Variants in MYO3B observed in about 807,000 individuals in gnomAD.
The protein encoded by MYO3B is myosin-IIIb.
MYO3B carries 156 observed loss-of-function variants against 174.6 expected under a neutral mutation model. The ratio of observed to expected loss-of-function variants is 0.89; its 90% CI spans 0.78 to 1.02. MYO3B has a LOEUF of 1.02. Ranked by LOEUF, MYO3B falls within the 50% of genes least tolerant of loss-of-function variation. The pLI is 0.00. For missense variants in MYO3B, 1,632 were observed against 1,639.4 expected (o/e 1.00, Z 0.08); for synonymous variants, 563 against 569.1 (o/e 0.99, Z 0.15).
chr2:170,608,768 T>G (rs949195882), intron 32 of MYO3B, among the ~76,000 whole-genome samples: 2 of 152,052 alleles, frequency 1.3e-5, no homozygotes, highest in South Asian at 4.1e-4. Flanking sequence ...GATCTAAAAC[T>G]GAGAGATGCA....
intron 32 of MYO3B, among the ~76,000 whole-genome samples, chr2:170,645,245 T>C (rs1575330808): frequency 6.6e-6 from 1 of 151,866 alleles, no homozygotes; most frequent in Non-Finnish European, 1.5e-5. Flanking sequence ...CCAAGGCAGG[T>C]GGATTGCTTG....
chr2:170,539,326 G>A (rs893817856), intron 30 of MYO3B, among the ~76,000 whole-genome samples: 6 of 152,116 alleles, frequency 3.9e-5, no homozygotes, highest in Non-Finnish European at 7.4e-5. Context: ...GACTTAATCC[G>A]ATTTAAGTTA....
At chr2:170,508,124 G>C (rs6748344) in intron 28 of MYO3B, among the ~76,000 whole-genome samples, 81,161 of 151,906 alleles carry the variant, frequency 0.53, 22,407 homozygotes, top group East Asian at 0.7. Context: ...TGCAACAGTA[G>C]GTACCCCTAG....
intron 7 of MYO3B, among the ~76,000 whole-genome samples, chr2:170,299,287 C>T (rs1171569214): frequency 6.6e-6 from 1 of 152,114 alleles, no homozygotes; most frequent in Non-Finnish European, 1.5e-5. Flanking sequence ...AAATAAATGC[C>T]TGATTGATTG....
chr2:170,221,954 AG>A (rs1214289272), intron 6 of MYO3B, among the ~76,000 whole-genome samples: 1 of 152,244 alleles, frequency 6.6e-6, no homozygotes, highest in African/African-American at 2.4e-5. Flanking sequence ...TAAGAGAGAA[AG>A]AAAAATTTCA....
At chr2:170,338,926 G>A (rs1224396138) in intron 8 of MYO3B, among the ~76,000 whole-genome samples, 5 of 152,260 alleles carry the variant, frequency 3.3e-5, no homozygotes, top group African/African-American at 1.2e-4. Flanking sequence ...CTTTCATTCT[G>A]TAGAGGAGAC....
chr2:170,352,258 A>G (rs1393255969), intron 8 of MYO3B, among the ~76,000 whole-genome samples: 1 of 152,176 alleles, frequency 6.6e-6, no homozygotes, highest in Non-Finnish European at 1.5e-5. Context: ...CGGCCTAGGC[A>G]CGCATAGGTT....
intron 7 of MYO3B, among the ~76,000 whole-genome samples, chr2:170,321,933 G>A (rs932797296): frequency 1.3e-5 from 2 of 152,096 alleles, no homozygotes; most frequent in African/African-American, 2.4e-5. Flanking sequence ...GGCCAACACG[G>A]TGAAACCCCG....
intron 21 of MYO3B, among the ~76,000 whole-genome samples, chr2:170,407,033 A>G (rs116279593): frequency 0.014 from 2,067 of 152,254 alleles, 37 homozygotes; most frequent in African/African-American, 0.045. Context: ...GCCTCTTCCT[A>G]AGTCTCTGCC....
chr2:170,612,882 G>T (rs558212941), intron 32 of MYO3B, among the ~76,000 whole-genome samples: 1 of 152,264 alleles, frequency 6.6e-6, no homozygotes, highest in East Asian at 1.9e-4. Flanking sequence ...TTTCACTTTA[G>T]AAAGACTCAA....
At chr2:170,545,052 T>C (rs1383425899) in intron 32 of MYO3B, among the ~76,000 whole-genome samples, 1 of 152,212 alleles carries the variant, frequency 6.6e-6, no homozygotes, top group Non-Finnish European at 1.5e-5. Context: ...ATCATTTATA[T>C]TTAATGTGAT....
intron 3 of MYO3B, among the ~76,000 whole-genome samples, chr2:170,200,827 G>T (rs1160117558): frequency 6.6e-6 from 1 of 152,184 alleles, no homozygotes; most frequent in African/African-American, 2.4e-5. Flanking sequence ...TCATAACAGA[G>T]ACCTAAGCTG....
intron 32 of MYO3B, among the ~76,000 whole-genome samples, chr2:170,620,797 C>T (rs945531925): frequency 1.3e-5 from 2 of 149,128 alleles, no homozygotes; most frequent in Non-Finnish European, 3.0e-5. Flanking sequence ...TAGAGGGAGA[C>T]ATTTTCTTTA....
Position 170,647,050 on chromosome 2 carries a change from G to C in MYO3B, c.3734-4578G>C, listed in dbSNP as rs1315121397. On this transcript the variant is annotated intron_variant, in intron 32 of 34. Coordinates refer to ENST00000408978, the MANE Select transcript of MYO3B (RefSeq NM_138995.5). ...CTTTAATATAATTAAACGCATGCAT[G>C]TCACTAACGTCTTCTTATACAGCTG... 1.2e-5 allele frequency: 6 copies of C among 492,380 alleles called. No homozygotes were observed. In the Admixed American group the frequency reaches 1.6e-4, roughly 13 times the overall value. 30.5% of individuals were successfully genotyped at this position (492,380 alleles called of 1,614,324 possible). A position where few individuals can be genotyped will look rare whatever the true frequency, so the allele number is the denominator to read the frequency against.
At chr2:170,434,301 A>G (rs2094734510) in intron 22 of MYO3B, among the ~76,000 whole-genome samples, 1 of 152,150 alleles carries the variant, frequency 6.6e-6, no homozygotes, top group Non-Finnish European at 1.5e-5. Flanking sequence ...CTTGTTATAT[A>G]TAAAGTTTTG....
At chr2:170,253,138 G>A (rs1367160135) in intron 7 of MYO3B, among the ~76,000 whole-genome samples, 1 of 152,218 alleles carries the variant, frequency 6.6e-6, no homozygotes, top group Non-Finnish European at 1.5e-5. Context: ...GAGGTGGTAA[G>A]AGTAGAAGCA....
chr2:170,356,771 A>ATTTTTTTTTTTTTTTTTTTT (rs1379010220), intron 8 of MYO3B, among the ~76,000 whole-genome samples: 1 of 151,834 alleles, frequency 6.6e-6, no homozygotes, highest in South Asian at 2.1e-4. Context: ...ATTTATTTTT[A>ATTTTTTTTTTTTTTTTTTTT]TTTTTATCTT....
intron 32 of MYO3B, among the ~76,000 whole-genome samples, chr2:170,592,907 GAGAT>G (rs750744880): frequency 9.9e-5 from 15 of 151,786 alleles, no homozygotes; most frequent in African/African-American, 2.4e-4. Flanking sequence ...TCTGTTTTAT[GAGAT>G]AGATATATAT....
intron 7 of MYO3B, among the ~76,000 whole-genome samples, chr2:170,312,383 G>C (rs1249102873): frequency 1.3e-5 from 2 of 152,242 alleles, no homozygotes; most frequent in African/African-American, 4.8e-5. Flanking sequence ...TGTGAGAATG[G>C]CTCCCCTAAT....
Sources: allele counts gnomAD v4.1 joint callset (sites outside exome capture counted in the v4.1 genomes callset), GRCh38; gene constraint gnomAD v4.1.1; transcripts MANE v1.5; gene names NCBI Gene and HGNC (gene_info 2026-07-23, HGNC 2026-07-21).